PAK2: variants seen among roughly 807,000 people sequenced by gnomAD.
The protein encoded by PAK2 is serine/threonine-protein kinase PAK 2.
In PAK2, 21 loss-of-function variants were observed where a neutral mutation model predicts 65.9. That is an observed-to-expected ratio of 0.32 (90% confidence interval 0.23 to 0.46). The LOEUF (loss-of-function observed/expected upper bound fraction) is 0.46, where lower values mean the gene tolerates loss of function less well. Ranked by LOEUF, PAK2 falls within the 20% of genes least tolerant of loss-of-function variation. PAK2 has a pLI of 1.00. For missense variants in PAK2, 324 were observed against 642.6 expected, an observed-to-expected ratio of 0.50 and a Z score of 5.36; for synonymous variants, 204 against 219.7, an observed-to-expected ratio of 0.93 and a Z score of 0.63.
chr3:196,824,954 A>C (rs1204807609), intron 13 of PAK2, among the ~76,000 whole-genome samples: 1 of 152,200 alleles, frequency 6.6e-6, no homozygotes, highest in Non-Finnish European at 1.5e-5. Context: ...TGTAGACAAT[A>C]ATAAAACTCC....
At position 196,820,586 on chromosome 3, in the gene PAK2, C is replaced by G. The variant is rs763630178; in HGVS notation, c.1350+19C>G. 1.5e-6 allele frequency: 2 copies of G among 1,333,686 alleles called. No individual in the cohort carries two copies. Among genetic ancestry groups the G allele is most frequent in the Admixed American group, 2.2e-5 (1 of 44,980 alleles). 82.6% of individuals were successfully genotyped at this position (1,333,686 alleles called of 1,614,324 possible). A position where few individuals can be genotyped will look rare whatever the true frequency, so the allele number is the denominator to read the frequency against. ...CTTGAGGGTAAGATGAGTTAAACAC[C>G]AGCCTTGTTCAATGTTTTTCTTTGA... is the stretch of plus-strand genomic sequence containing the variant. On this transcript the variant is annotated intron_variant, in intron 13 of 14. Transcript: ENST00000327134. This position sits in a 1 kb window ranked among gnomAD's most constrained non-coding sequence, Gnocchi z 4.6.
Position 196,792,071 on chromosome 3 carries a change from G to T in PAK2, c.187+9238G>T, listed in dbSNP as rs187499744. On this transcript the variant is annotated intron_variant, in intron 2 of 14. Transcript: ENST00000327134. ...GTTGCTGGAGGGTGTGTGGGAAGCTGTGCTGACCTGGCTTGAGTTAGGTGC... is the reference window on the plus strand; with the variant it reads ...GTTGCTGGAGGGTGTGTGGGAAGCTTTGCTGACCTGGCTTGAGTTAGGTGC... 2.2e-3 allele frequency among the ~76,000 whole-genome samples: 332 copies of T among 152,308 alleles called. 1 individual carries two copies. Among genetic ancestry groups the T allele is most frequent in the African/African-American group, 7.4e-3 (309 of 41,564 alleles).
chr3:196,790,096 GA>G (rs1318413033), intron 2 of PAK2, among the ~76,000 whole-genome samples: 1 of 152,216 alleles, frequency 6.6e-6, no homozygotes. Flanking sequence ...CATGGAATTT[GA>G]AGCTATTACA....
At chr3:196,794,116 G>A (rs762903713) in intron 2 of PAK2, among the ~76,000 whole-genome samples, 1 of 152,024 alleles carries the variant, frequency 6.6e-6, no homozygotes, top group Non-Finnish European at 1.5e-5. Context: ...GGGCAACAGT[G>A]CAAGACTCTG....
At chr3:196,757,810 G>A (rs183131197) in intron 1 of PAK2, among the ~76,000 whole-genome samples, 12 of 152,196 alleles carry the variant, frequency 7.9e-5, no homozygotes, top group South Asian at 4.2e-4. Flanking sequence ...GAGAATACTC[G>A]CGTTAGATAC....
intron 4 of PAK2, among the ~76,000 whole-genome samples, chr3:196,804,520 T>C (rs1715519462): frequency 6.6e-6 from 1 of 152,052 alleles, no homozygotes. Context: ...CAGGCTGGAG[T>C]GCAGTGGCAC....
intron 1 of PAK2, among the ~76,000 whole-genome samples, chr3:196,742,822 C>T: frequency 6.6e-6 from 1 of 152,162 alleles, no homozygotes; most frequent in Admixed American, 6.5e-5. Flanking sequence ...GAGGCTGAGG[C>T]CGGAGAATGG....
At chr3:196,751,663 T>TATACATATATATATA (rs1713589849) in intron 1 of PAK2, among the ~76,000 whole-genome samples, 1 of 45,726 alleles carries the variant, frequency 2.2e-5, no homozygotes, top group African/African-American at 1.1e-4. Flanking sequence ...ACACACAAAT[T>TATACATATATATATA]TATTTATATA....
intron 2 of PAK2, among the ~76,000 whole-genome samples, chr3:196,785,383 G>A (rs190823148): frequency 1.3e-5 from 2 of 152,130 alleles, no homozygotes; most frequent in African/African-American, 4.8e-5. Flanking sequence ...GGCTGTTCCC[G>A]TGTGTGACTT....
At chr3:196,796,073 C>G (rs1715250755) in intron 2 of PAK2, among the ~76,000 whole-genome samples, 1 of 152,246 alleles carries the variant, frequency 6.6e-6, no homozygotes, top group Non-Finnish European at 1.5e-5. Context: ...GGCTGCTGAT[C>G]TGACAGGAGG....
intron 1 of PAK2, among the ~76,000 whole-genome samples, chr3:196,763,322 C>T (rs1394863193): frequency 6.6e-6 from 1 of 152,142 alleles, no homozygotes; most frequent in African/African-American, 2.4e-5. Context: ...GCCACCTTCC[C>T]CTATTGGAGT....
chr3:196,808,195 G>A (rs908824289), intron 7 of PAK2, among the ~76,000 whole-genome samples: 13 of 152,140 alleles, frequency 8.5e-5, no homozygotes, highest in Non-Finnish European at 1.6e-4. Flanking sequence ...GCATGTGCCT[G>A]TAATCCCAGC....
chr3:196,774,145 G>T (rs1407847909), intron 1 of PAK2, among the ~76,000 whole-genome samples: 1 of 152,192 alleles, frequency 6.6e-6, no homozygotes, highest in African/African-American at 2.4e-5. Context: ...GTCTTAGGTA[G>T]GAAAAGCAGA....
intron 1 of PAK2, among the ~76,000 whole-genome samples, chr3:196,763,964 A>ATT (rs11314152): frequency 0.01 from 1,429 of 140,610 alleles, 14 homozygotes; most frequent in South Asian, 0.017. Flanking sequence ...ACGCCCGGCT[A>ATT]TTTTTTTTTT....
In PAK2 at chr3:196,824,450, C is replaced by T. The variant is rs75446856; in HGVS notation, c.1351-2746C>T. ...ACAGAAGTTCATTAAAACAATCTCA[C>T]GACTGCATTTCAGTTGTAAGAACTT... On this transcript the variant is annotated intron_variant, in intron 13 of 14. Coordinates refer to ENST00000327134, the MANE Select transcript of PAK2 (RefSeq NM_002577.4). Among the ~76,000 whole-genome samples the T allele has an allele frequency of 1.8e-4, 27 of 152,290 alleles. No homozygotes were observed. In the East Asian group the frequency reaches 3.7e-3, roughly 21 times the overall value.
intron 1 of PAK2, among the ~76,000 whole-genome samples, chr3:196,752,611 TTTGTTTGA>T (rs1197320081): frequency 6.6e-6 from 1 of 151,868 alleles, no homozygotes; most frequent in Non-Finnish European, 1.5e-5. Context: ...TGTTTGTTTG[TTTGTTTGA>T]GACAGAGTTT....
rs752800616 is a variant in PAK2, at chr3:196,803,093, C to T, written c.365C>T (p.Ala122Val). 1 of 1,612,722 alleles carries T rather than the reference C, an allele frequency of 6.2e-7. No homozygotes were observed. Among genetic ancestry groups the T allele is most frequent in the Non-Finnish European group, 8.5e-7 (1 of 1,179,020 alleles). The part of the protein sequence containing the change: ...TKLEQKKNPQ[A>V]VLDVLKFYDS... ...CTAGAGCAAAAGAAGAATCCTCAGGCTGTGCTGGATGTCCTAAAGTTCTAC... is the reference window on the plus strand; with the variant it reads ...CTAGAGCAAAAGAAGAATCCTCAGGTTGTGCTGGATGTCCTAAAGTTCTAC... Residue 122 changes from alanine (A) to valine (V), a missense_variant, in exon 4 of 15, where the codon GCT becomes GTT. By Grantham distance (64) the Ala-to-Val change is moderately conservative. Around this residue, in one of 5 missense-constraint regions of PAK2, gnomAD observed 20 missense variants for 99.9 expected, o/e 0.20. Coordinates refer to ENST00000327134, the MANE Select transcript of PAK2 (RefSeq NM_002577.4).
intron 1 of PAK2, among the ~76,000 whole-genome samples, chr3:196,767,774 G>A (rs1016638524): frequency 6.6e-6 from 1 of 152,058 alleles, no homozygotes; most frequent in Admixed American, 6.5e-5. Context: ...GATTACAGGC[G>A]TGAGCCACCG....
intron 1 of PAK2, among the ~76,000 whole-genome samples, chr3:196,753,427 G>A (rs1713672406): frequency 6.7e-6 from 1 of 149,366 alleles, no homozygotes; most frequent in Non-Finnish European, 1.5e-5. Flanking sequence ...GGGCTCACGT[G>A]ATCCTATCTT....
Sources: gnomAD v4.1 joint callset for allele counts (sites outside exome capture counted in the v4.1 genomes callset) on GRCh38, gnomAD v4.1.1 for gene constraint, gnomAD v4.1.1 regional missense constraint, Gnocchi (gnomAD v3.1) non-coding constraint, MANE v1.5 for transcripts, NCBI Gene and HGNC (gene_info 2026-07-23, HGNC 2026-07-21) for gene names.